Variants in CERS3 observed in about 807,000 individuals in gnomAD.
CERS3 encodes the protein LAG1 homolog, ceramide synthase 3.
In CERS3, 33 loss-of-function variants were observed where a neutral mutation model predicts 50.3. The observed-to-expected ratio is 0.66, with a 90% confidence interval of 0.50 to 0.88. The LOEUF is 0.88. Among genes scored for constraint, CERS3 ranks in the 40% least tolerant of loss-of-function variants. CERS3 has a pLI of 0.00. For synonymous variants in CERS3, 176 were observed against 155.2 expected (o/e 1.13, Z -0.99); for missense variants, 470 against 460.3 (o/e 1.02, Z -0.19).
At chr15:100,434,190 C>T (rs904408026) in intron 11 of CERS3, among the ~76,000 whole-genome samples, 3 of 152,190 alleles carry the variant, frequency 2.0e-5, no homozygotes, top group Non-Finnish European at 4.4e-5. Flanking sequence ...ATCTTGAGGC[C>T]GAGGCCCATT....
chr15:100,402,646 G>T lies in CERS3; in HGVS notation c.*67C>A. The T allele has an allele frequency of 2.0e-6, 3 of 1,523,484 alleles. No homozygotes were observed. Among genetic ancestry groups the T allele is most frequent in the Non-Finnish European group, 1.8e-6 (2 of 1,120,244 alleles). The allele number at this position is 1,523,484 out of a possible 1,614,324, so 94.4% of individuals were successfully genotyped here. A position where few individuals can be genotyped will look rare whatever the true frequency, so the allele number is the denominator to read the frequency against. ...GGGCAGAATGTGGGGTCGGTGTGGG[G>T]CCTGGAAGCCAGGCTGCCAACAGTA... On this transcript the variant is annotated 3_prime_UTR_variant, in exon 12 of 12. Coordinates refer to ENST00000679737, the MANE Select transcript of CERS3 (RefSeq NM_001378789.1).
intron 11 of CERS3, among the ~76,000 whole-genome samples, chr15:100,432,010 G>A (rs2033159666): frequency 6.6e-6 from 1 of 152,078 alleles, no homozygotes; most frequent in African/African-American, 2.4e-5. Context: ...AAATAATTAG[G>A]ACGTTTTCAT....
intron 11 of CERS3, among the ~76,000 whole-genome samples, chr15:100,408,231 C>T (rs74038761): frequency 0.012 from 1,852 of 152,244 alleles, 38 homozygotes; most frequent in African/African-American, 0.042. Context: ...AGTCCTGGAA[C>T]CAATCCCCCA....
At chr15:100,504,161 G>A (rs192276215) in intron 2 of CERS3, among the ~76,000 whole-genome samples, 81 of 151,784 alleles carry the variant, frequency 5.3e-4, no homozygotes, top group Middle Eastern at 3.4e-3. Flanking sequence ...CCCACCATTC[G>A]GAGAAGTGCT....
At chr15:100,421,570 T>C (rs894483107) in intron 11 of CERS3, among the ~76,000 whole-genome samples, 10 of 149,270 alleles carry the variant, frequency 6.7e-5, no homozygotes, top group Non-Finnish European at 9.0e-5. Flanking sequence ...CTTCACAGAA[T>C]TGGAAAAAAC....
At chr15:100,453,940 C>A (rs911034839) in intron 11 of CERS3, among the ~76,000 whole-genome samples, 1 of 152,108 alleles carries the variant, frequency 6.6e-6, no homozygotes. Flanking sequence ...AGGTAAAAGA[C>A]CTCTACAAGG....
At position 100,497,422 on chromosome 15, in the gene CERS3, C is replaced by T. The variant is rs565052906; in HGVS notation, c.173+4255G>A. ...AATTGAATTAGTTCATTTATCCAAC[C>T]TAGTAGCTGGAAAATTTTAGTGGAG... On this transcript the variant is annotated intron_variant, in intron 3 of 11. Transcript: ENST00000679737. Among the ~76,000 whole-genome samples, 4 of 151,490 alleles carry T rather than the reference C, an allele frequency of 2.6e-5. No homozygotes were observed. In the South Asian group the frequency reaches 8.3e-4, roughly 32 times the overall value.
intron 11 of CERS3, among the ~76,000 whole-genome samples, chr15:100,421,703 C>A (rs907386435): frequency 2.7e-5 from 4 of 149,638 alleles, no homozygotes; most frequent in Non-Finnish European, 5.9e-5. Flanking sequence ...GCTACAGTAA[C>A]CAAAACAGCA....
At chr15:100,461,611 T>G (rs374057895) in intron 10 of CERS3, among the ~76,000 whole-genome samples, 1 of 152,220 alleles carries the variant, frequency 6.6e-6, no homozygotes, top group East Asian at 1.9e-4. Context: ...ACTACCACTA[T>G]GGCCACTACT....
chr15:100,466,778 T>TCCC, intron 10 of CERS3, among the ~76,000 whole-genome samples: 2 of 25,100 alleles, frequency 8.0e-5, no homozygotes, highest in Admixed American at 5.1e-4. Flanking sequence ...CCTTCCTTCC[T>TCCC]TCCTTCCTTC....
intron 5 of CERS3, among the ~76,000 whole-genome samples, chr15:100,483,950 T>C (rs1272410036): frequency 6.6e-6 from 1 of 151,156 alleles, no homozygotes; most frequent in East Asian, 2.0e-4. Flanking sequence ...CCAGCTAATT[T>C]TTTGTATTTT....
intron 11 of CERS3, among the ~76,000 whole-genome samples, chr15:100,413,017 A>AT (rs199864987): frequency 6.6e-6 from 1 of 152,070 alleles, no homozygotes; most frequent in Non-Finnish European, 1.5e-5. Context: ...AAATGCATAG[A>AT]TTTTTTTCAT....
At chr15:100,535,680 G>A (rs2037054862) in intron 1 of CERS3, among the ~76,000 whole-genome samples, 1 of 141,164 alleles carries the variant, frequency 7.1e-6, no homozygotes, top group Non-Finnish European at 1.5e-5. Context: ...TCATATGTAA[G>A]CACGAATTAG....
chr15:100,481,438 C>T (rs988383203), intron 5 of CERS3, among the ~76,000 whole-genome samples: 5 of 152,202 alleles, frequency 3.3e-5, no homozygotes, highest in Admixed American at 2.6e-4. Flanking sequence ...AAGAGCATTT[C>T]CTTGGCTCCC....
At chr15:100,513,886 C>G (rs1382305754) in intron 2 of CERS3, among the ~76,000 whole-genome samples, 2 of 152,164 alleles carry the variant, frequency 1.3e-5, no homozygotes, top group East Asian at 3.9e-4. Context: ...CTGCTCACCC[C>G]TTCACCTCAA....
intron 9 of CERS3, among the ~76,000 whole-genome samples, chr15:100,470,562 A>AGCTGG (rs2034934166): frequency 6.6e-6 from 1 of 152,074 alleles, no homozygotes; most frequent in African/African-American, 2.4e-5. Context: ...ATCAGGGGCT[A>AGCTGG]GCTGGGTGGG....
intron 11 of CERS3, among the ~76,000 whole-genome samples, chr15:100,417,707 G>A (rs2032055224): frequency 6.6e-6 from 1 of 151,930 alleles, no homozygotes. Context: ...GAGAGCAGTG[G>A]TTCTCCCAGC....
rs969189394 is a variant in CERS3, at chr15:100,433,416, C to T, written c.999+22477G>A. ...GCTTCAGGTTTCCTAGGAAACAGAA[C>T]ACTGTTCAGCTTATCTATAAGGAGA... On this transcript the variant is annotated intron_variant, in intron 11 of 11. Transcript: ENST00000679737. Among the ~76,000 whole-genome samples the T allele has an allele frequency of 4.6e-5, 7 of 151,976 alleles. No individual in the cohort carries two copies. The East Asian group carries it at 1.3e-3, about 29-fold the overall frequency.
chr15:100,492,095 A>C (rs913917306), intron 3 of CERS3, among the ~76,000 whole-genome samples: 9 of 152,194 alleles, frequency 5.9e-5, no homozygotes, highest in Non-Finnish European at 1.2e-4. Flanking sequence ...TTTCACATTT[A>C]TTGAGACTTG....
Sources: allele counts gnomAD v4.1 joint callset (sites outside exome capture counted in the v4.1 genomes callset), GRCh38; gene constraint gnomAD v4.1.1; transcripts MANE v1.5; gene names NCBI Gene and HGNC (gene_info 2026-07-23, HGNC 2026-07-21).